PTPN23: variants seen among roughly 807,000 people sequenced by gnomAD.
PTPN23 encodes the protein tyrosine-protein phosphatase non-receptor type 23.
A neutral mutation model predicts 156.3 loss-of-function variants in PTPN23; 72 were observed. The observed-to-expected ratio is 0.46, with a 90% CI of 0.38 to 0.56. The LOEUF (loss-of-function observed/expected upper bound fraction) is 0.56, where lower values mean the gene tolerates loss of function less well. Among genes scored for constraint, PTPN23 ranks in the 20% least tolerant of loss-of-function variants. PTPN23 has a pLI of 0.00. For missense variants in PTPN23, 1,974 were observed against 2,171.5 expected (o/e 0.91, Z 1.81); for synonymous variants, 957 against 899.6 (o/e 1.06, Z -1.14).
chr3:47,413,066 C>G lies in PTPN23; in HGVS notation c.4792C>G (p.Gln1598Glu). The change falls in exon 25 of 25, where the codon CAG becomes GAG. Residue 1598 changes from glutamine (Q) to glutamate (E), a missense_variant. By Grantham distance (29) the Gln-to-Glu change is conservative. Transcript: ENST00000265562. ...FSLDSSLRGK[Q>E]RMSKHNFLQA... The stretch of plus-strand genomic sequence containing the variant: ...CCTGGACAGCTCCCTGCGGGGCAAA[C>G]AGCGGATGAGCAAGCATAACTTTCT... 6.2e-7 allele frequency: 1 copy of G among 1,612,958 alleles called. No homozygotes were observed. The highest frequency in any genetic ancestry group is 8.5e-7 in the Non-Finnish European group (1 of 1,180,030).
intron 14 of PTPN23, 50 bp downstream of exon 14, chr3:47,408,005 G>T: frequency 6.3e-7 from 1 of 1,587,792 alleles, no homozygotes; most frequent in South Asian, 1.1e-5. Flanking sequence ...CACTTCCCGG[G>T]CCTCTGGGGG....
chr3:47,388,350 A>G (rs1375842480), intron 1 of PTPN23, among the ~76,000 whole-genome samples: 1 of 152,136 alleles, frequency 6.6e-6, no homozygotes, highest in South Asian at 2.1e-4. Context: ...CTGGGACCAC[A>G]GGCACGCACC....
rs1705374469 is a variant in PTPN23, at chr3:47,413,201, C to T, written c.*16C>T. The T allele has an allele frequency of 6.3e-7, 1 of 1,597,082 alleles. No individual in the cohort carries two copies. The highest frequency in any genetic ancestry group is 8.5e-7 in the Non-Finnish European group (1 of 1,170,870). On this transcript the variant is annotated 3_prime_UTR_variant, in exon 25 of 25. Coordinates refer to ENST00000265562, the MANE Select transcript of PTPN23 (RefSeq NM_015466.4). ...CAAGACCTGAACAGGTTTTGCCTAC[C>T]TGGTCCTTACACTACATCATCATCA...
chr3:47,395,449 T>C (rs181709748), intron 1 of PTPN23, among the ~76,000 whole-genome samples: 3 of 152,296 alleles, frequency 2.0e-5, no homozygotes, highest in East Asian at 3.9e-4. Flanking sequence ...AGGGGGCCCT[T>C]TGGGCTAAGC....
intron 1 of PTPN23, among the ~76,000 whole-genome samples, chr3:47,387,152 C>T (rs1006215749): frequency 2.6e-5 from 4 of 152,160 alleles, no homozygotes; most frequent in African/African-American, 7.2e-5. Context: ...TGGCCTATGG[C>T]GGTTTTCTTT....
At chr3:47,385,922 C>T (rs1466309854) in intron 1 of PTPN23, among the ~76,000 whole-genome samples, 1 of 152,212 alleles carries the variant, frequency 6.6e-6, no homozygotes, top group Non-Finnish European at 1.5e-5. Flanking sequence ...CTCCCCAGTC[C>T]TCTCCTATGA....
chr3:47,401,181 G>A (rs1473049575), intron 2 of PTPN23, among the ~76,000 whole-genome samples: 5 of 149,062 alleles, frequency 3.4e-5, no homozygotes, highest in Non-Finnish European at 5.9e-5. Flanking sequence ...GATTACAGGC[G>A]TGAGCCACTG....
In PTPN23 at chr3:47,404,721, T is replaced by G; in HGVS notation, c.229T>G (p.Tyr77Asp). Residue 77 changes from tyrosine (Y) to aspartate (D), a missense_variant, in exon 3 of 25, where the codon TAC becomes GAC. Physicochemically the swap from Tyr to Asp is radical, Grantham distance 160. This residue lies in a region of PTPN23 where 726 missense variants were observed against 929.5 expected (regional missense o/e 0.78). Coordinates refer to ENST00000265562, the MANE Select transcript of PTPN23 (RefSeq NM_015466.4). ...VLRKYLGQLH[Y>D]LQSRVPMGSG... ...CCGCAAGTACCTCGGCCAGCTTCATTACCTGCAGAGTCGGGTCCCCATGGG... is the reference window on the plus strand; with the variant it reads ...CCGCAAGTACCTCGGCCAGCTTCATGACCTGCAGAGTCGGGTCCCCATGGG... The G allele has an allele frequency of 6.2e-7, 1 of 1,614,012 alleles. No homozygotes were observed. Among genetic ancestry groups the G allele is most frequent in the East Asian group, 2.2e-5 (1 of 44,874 alleles).
In PTPN23 at chr3:47,407,713, G is replaced by A; in HGVS notation, c.1020G>A (p.Lys340=). The change falls in exon 13 of 25, where the codon AAG becomes AAA. Residue 340 remains lysine, a synonymous_variant. Coordinates refer to ENST00000265562, the MANE Select transcript of PTPN23 (RefSeq NM_015466.4). The surrounding 1 kb of genome is among the most constrained non-coding windows in gnomAD (Gnocchi z 4.0). ...LQPVKGAPLV[K]PLPVNPTDPA... ...CCCCCCCAGGAGCCCCCTTGGTGAA[G>A]CCCTTGCCAGTGAACCCCACAGACC... 2 of 1,613,412 alleles carry A rather than the reference G, an allele frequency of 1.2e-6. No homozygotes were observed. The highest frequency in any genetic ancestry group is 8.5e-7 in the Non-Finnish European group (1 of 1,179,392).
At chr3:47,393,705 T>C (rs1347840315) in intron 1 of PTPN23, among the ~76,000 whole-genome samples, 1 of 152,110 alleles carries the variant, frequency 6.6e-6, no homozygotes, top group Non-Finnish European at 1.5e-5. Flanking sequence ...CAGATCCAGC[T>C]GGGGTTCTCA....
chr3:47,407,016 G>A lies in PTPN23; in HGVS notation c.808-114G>A. On this transcript the variant is annotated intron_variant, in intron 9 of 24. Transcript: ENST00000265562. This position sits in a 1 kb window ranked among gnomAD's most constrained non-coding sequence, Gnocchi z 4.0. Reference sequence around the variant, plus strand: ...CTGCTGTTGGCTGGGGTGGTGCCCGGCTGCCTCCTGAGCTGCTTGTCATCT... The same window carrying A: ...CTGCTGTTGGCTGGGGTGGTGCCCGACTGCCTCCTGAGCTGCTTGTCATCT... 7.2e-7 allele frequency: 1 copy of A among 1,395,832 alleles called. No individual in the cohort carries two copies. Among genetic ancestry groups the A allele is most frequent in the Non-Finnish European group, 9.9e-7 (1 of 1,005,114 alleles). The allele number at this position is 1,395,832 out of a possible 1,614,324, so 86.5% of individuals were successfully genotyped here. A position where few individuals can be genotyped will look rare whatever the true frequency, so the allele number is the denominator to read the frequency against.
rs757043275 is a variant in PTPN23 at position 47,409,500 on chromosome 3, C to G, written c.1881C>G (p.Leu627=). 3.7e-6 allele frequency: 6 copies of G among 1,614,022 alleles called. No individual in the cohort carries two copies. The East Asian group carries it at 1.1e-4, about 30-fold the overall frequency. Residue 627 remains leucine, a synonymous_variant, in exon 18 of 25, where the codon CTC becomes CTG. Transcript: ENST00000265562. Reference sequence around the variant, plus strand: ...ACCTGGCCGCCCAGGACCGTGTCCTCTGTGCACTGACAGAGGCCAACGTGC... The same window carrying G: ...ACCTGGCCGCCCAGGACCGTGTCCTGTGTGCACTGACAGAGGCCAACGTGC... The part of the protein sequence containing the change: ...EQNLAAQDRV[L]CALTEANVQY...
chr3:47,410,439 A>G lies in PTPN23; in HGVS notation c.2641A>G (p.Thr881Ala). ...GTTGGCCATGGCGGTTCGGCCAGCC[A>G]CCACCACAGTAGATAGCATCCAGGC... Reference protein sequence around the residue: ...PELAMAVRPATTTVDSIQAPI... With the variant: ...PELAMAVRPAATTVDSIQAPI... Residue 881 changes from threonine (T) to alanine (A), a missense_variant, in exon 20 of 25, where the codon ACC becomes GCC. This residue lies in a region of PTPN23 where 731 missense variants were observed against 669.1 expected (regional missense o/e 1.09). Transcript: ENST00000265562. The G allele has an allele frequency of 1.2e-6, 2 of 1,611,242 alleles. No individual in the cohort carries two copies. Among genetic ancestry groups the G allele is most frequent in the Non-Finnish European group, 8.5e-7 (1 of 1,179,330 alleles).
rs1705102692 is a variant in PTPN23, at chr3:47,405,628, G to A, written c.365-121G>A. The A allele has an allele frequency of 9.7e-7, 1 of 1,028,172 alleles. No homozygotes were observed. The highest frequency in any genetic ancestry group is 1.4e-6 in the Non-Finnish European group (1 of 696,534). 63.7% of individuals were successfully genotyped at this position (1,028,172 alleles called of 1,614,324 possible). On this transcript the variant is annotated intron_variant, in intron 4 of 24. Coordinates refer to ENST00000265562, the MANE Select transcript of PTPN23 (RefSeq NM_015466.4). The surrounding 1 kb of genome is among the most constrained non-coding windows in gnomAD (Gnocchi z 4.7). The stretch of plus-strand genomic sequence containing the variant: ...CTCCAGCTTGGGTGTCCTTGGACTC[G>A]TTGCCCTGGTTCTCAGAGCCATGTT...
At chr3:47,404,547 A>T (rs1376714025) in intron 2 of PTPN23, 105 bp from the exon 3 acceptor site, 3 of 1,466,364 alleles carry the variant, frequency 2.0e-6, no homozygotes, top group African/African-American at 1.4e-5. Context: ...TGGTGTGTGC[A>T]GTCGGCCAGC....
intron 1 of PTPN23, among the ~76,000 whole-genome samples, chr3:47,389,757 G>A (rs1021591423): frequency 6.6e-6 from 1 of 150,972 alleles, no homozygotes; most frequent in African/African-American, 2.4e-5. Flanking sequence ...GGAGAATGGC[G>A]TGAACCCGGG....
chr3:47,390,176 A>G (rs951604273), intron 1 of PTPN23, among the ~76,000 whole-genome samples: 6 of 152,038 alleles, frequency 3.9e-5, no homozygotes, highest in Admixed American at 2.6e-4. Flanking sequence ...TTGAAGCTTC[A>G]TTGAGCTATG....
intron 1 of PTPN23, among the ~76,000 whole-genome samples, chr3:47,394,924 G>T (rs1704847685): frequency 6.6e-6 from 1 of 152,172 alleles, no homozygotes; most frequent in Non-Finnish European, 1.5e-5. Context: ...GAGGTGGCAT[G>T]GGGAGAGAGA....
chr3:47,396,098 C>T (rs752899523), intron 1 of PTPN23, 45 bp from the exon 2 acceptor site: 13 of 1,525,724 alleles, frequency 8.5e-6, no homozygotes, highest in Middle Eastern at 1.7e-4. Flanking sequence ...GAGGGCAAGG[C>T]GGGGGTCTTC....
Sources: allele counts gnomAD v4.1 joint callset (sites outside exome capture counted in the v4.1 genomes callset), GRCh38; gene constraint gnomAD v4.1.1; regional missense constraint gnomAD v4.1.1; non-coding constraint Gnocchi (gnomAD v3.1); transcripts MANE v1.5; gene names NCBI Gene and HGNC (gene_info 2026-07-23, HGNC 2026-07-21).